Variants in PTPRD observed in about 807,000 individuals in gnomAD.
PTPRD encodes the protein protein tyrosine phosphatase receptor type D, also known as receptor-type tyrosine-protein phosphatase delta.
In PTPRD, 34 loss-of-function variants were observed where a neutral mutation model predicts 214.5. The observed-to-expected ratio is 0.16, with a 90% CI of 0.12 to 0.21. PTPRD has a LOEUF of 0.21. PTPRD is among the 10% of genes least tolerant of loss of function. PTPRD has a pLI of 1.00. For missense variants in PTPRD, 2,545 were observed against 2,398.7 expected (o/e 1.06, Z -1.27); for synonymous variants, 1,128 against 845.7 (o/e 1.33, Z -5.79).
At chr9:10,314,613 T>C (rs1273554614) in intron 3 of PTPRD, among the ~76,000 whole-genome samples, 3 of 151,838 alleles carry the variant, frequency 2.0e-5, no homozygotes, top group Non-Finnish European at 4.4e-5. Context: ...TGATAGTAGT[T>C]TTCATTGTGT....
intron 34 of PTPRD, 33 bp downstream of exon 34, chr9:8,449,692 C>A (rs2133450635): frequency 6.3e-7 from 1 of 1,587,394 alleles, no homozygotes; most frequent in South Asian, 1.1e-5. Context: ...CTGGGAAAGA[C>A]TGTGTGTGGA....
At chr9:8,811,737 C>T (rs1163192406) in intron 11 of PTPRD, among the ~76,000 whole-genome samples, 1 of 152,156 alleles carries the variant, frequency 6.6e-6, no homozygotes, top group Non-Finnish European at 1.5e-5. Flanking sequence ...ATCTTTGCCC[C>T]CAGAAAAACA....
chr9:10,560,123 G>A (rs1282849886), intron 2 of PTPRD, among the ~76,000 whole-genome samples: 2 of 152,108 alleles, frequency 1.3e-5, no homozygotes, highest in Non-Finnish European at 2.9e-5. Context: ...GTTTATCGCG[G>A]CACTATTCAC....
At chr9:10,387,231 T>C (rs2097932883) in intron 2 of PTPRD, among the ~76,000 whole-genome samples, 3 of 151,728 alleles carry the variant, frequency 2.0e-5, no homozygotes, top group Admixed American at 2.0e-4. Context: ...ATAGCAGCAA[T>C]AGGAAACTAA....
At chr9:8,404,289 C>T (rs188693496) in intron 36 of PTPRD, among the ~76,000 whole-genome samples, 10 of 152,116 alleles carry the variant, frequency 6.6e-5, no homozygotes, top group Middle Eastern at 3.4e-3. Flanking sequence ...CCACCATGCC[C>T]GGCTAGTTTT....
At chr9:9,153,743 T>C (rs1408721490) in intron 10 of PTPRD, among the ~76,000 whole-genome samples, 3 of 152,198 alleles carry the variant, frequency 2.0e-5, no homozygotes, top group Non-Finnish European at 4.4e-5. Flanking sequence ...GCCAATTACC[T>C]TGTAGAAAAA....
Position 8,501,113 on chromosome 9 carries a change from GA to G in PTPRD, c.1823-55del, listed in dbSNP as rs576806967. ...TTTAAGTGAAAGGACAGGAGTGGTTGAAAAAAAAAATGATAAAACAAAAGAA... is the reference window on the plus strand; with the variant it reads ...TTTAAGTGAAAGGACAGGAGTGGTTGAAAAAAAAATGATAAAACAAAAGAA... On this transcript the variant is annotated intron_variant, in intron 23 of 45. Coordinates refer to ENST00000381196, the MANE Select transcript of PTPRD (RefSeq NM_002839.4). 2.2e-3 allele frequency: 2,579 copies of G among 1,161,128 alleles called. 5 individuals carry two copies. Among genetic ancestry groups the G allele is most frequent in the African/African-American group, 0.011 (658 of 61,642 alleles). 71.9% of individuals were successfully genotyped at this position (1,161,128 alleles called of 1,614,324 possible). A position where few individuals can be genotyped will look rare whatever the true frequency, so the allele number is the denominator to read the frequency against.
At chr9:8,497,183 T>C (rs1230485792) in intron 26 of PTPRD, 59 bp downstream of exon 26, 15 of 1,389,698 alleles carry the variant, frequency 1.1e-5, no homozygotes, top group Non-Finnish European at 1.5e-5. Flanking sequence ...AGTGAAAGGA[T>C]GTCAGAGAAA....
At chr9:8,699,965 T>G (rs1019864329) in intron 12 of PTPRD, among the ~76,000 whole-genome samples, 4 of 152,180 alleles carry the variant, frequency 2.6e-5, no homozygotes, top group Non-Finnish European at 4.4e-5. Flanking sequence ...ATATCAGTAA[T>G]GCTGAGAACC....
At chr9:8,899,509 G>A (rs997714863) in intron 11 of PTPRD, among the ~76,000 whole-genome samples, 3 of 152,116 alleles carry the variant, frequency 2.0e-5, no homozygotes, top group Admixed American at 1.3e-4. Context: ...TGTCAGAAAG[G>A]TCTCAAAGCA....
intron 5 of PTPRD, among the ~76,000 whole-genome samples, chr9:9,928,621 G>T (rs1245967157): frequency 6.6e-6 from 1 of 152,082 alleles, no homozygotes; most frequent in Non-Finnish European, 1.5e-5. Flanking sequence ...CATTACTACT[G>T]TTATTAGAAT....
chr9:8,318,638 A>T (rs980882250), intron 45 of PTPRD, among the ~76,000 whole-genome samples: 1 of 152,030 alleles, frequency 6.6e-6, no homozygotes, highest in African/African-American at 2.4e-5. Flanking sequence ...AAATGGCTTC[A>T]CAGGACTGGC....
At chr9:8,517,784 T>C (rs149953095) in intron 21 of PTPRD, 64 bp downstream of exon 21, 1 of 1,383,158 alleles carries the variant, frequency 7.2e-7, no homozygotes, top group East Asian at 2.3e-5. Context: ...TTTGTTTTTG[T>C]CCTTCTCACC....
chr9:9,681,191 T>C (rs2097061823), intron 7 of PTPRD, among the ~76,000 whole-genome samples: 1 of 151,840 alleles, frequency 6.6e-6, no homozygotes, highest in Non-Finnish European at 1.5e-5. Flanking sequence ...AATGAAAACA[T>C]TTATATTTTC....
chr9:9,899,784 G>C (rs1168041338), intron 5 of PTPRD, among the ~76,000 whole-genome samples: 1 of 151,818 alleles, frequency 6.6e-6, no homozygotes, highest in African/African-American at 2.4e-5. Context: ...CAATAACAAA[G>C]ATATAGAATC....
rs573818106 is a variant in PTPRD at position 8,672,540 on chromosome 9, C to G, written c.65-35696G>C. On this transcript the variant is annotated intron_variant, in intron 12 of 45. Coordinates refer to ENST00000381196, the MANE Select transcript of PTPRD (RefSeq NM_002839.4). ...TCCTTGTAACACACATTTAACTCTACCTTCTTATAATTACTCATTAATTTG... is the reference window on the plus strand; with the variant it reads ...TCCTTGTAACACACATTTAACTCTAGCTTCTTATAATTACTCATTAATTTG... Among the ~76,000 whole-genome samples the G allele has an allele frequency of 4.6e-4, 70 of 152,146 alleles. 1 individual carries two copies. Among genetic ancestry groups the G allele is most frequent in the African/African-American group, 1.6e-3 (68 of 41,496 alleles).
At chr9:10,150,953 C>A (rs182439593) in intron 3 of PTPRD, among the ~76,000 whole-genome samples, 1 of 151,916 alleles carries the variant, frequency 6.6e-6, no homozygotes, top group Admixed American at 6.6e-5. Flanking sequence ...AAAGCTTAGC[C>A]TTGTCACTCA....
chr9:9,218,659 A>G (rs1244768351), intron 9 of PTPRD, among the ~76,000 whole-genome samples: 2 of 152,188 alleles, frequency 1.3e-5, no homozygotes, highest in East Asian at 1.9e-4. Flanking sequence ...TGGGACTGTA[A>G]CATATATAAT....
chr9:9,469,855 T>C (rs2094471558), intron 8 of PTPRD, among the ~76,000 whole-genome samples: 1 of 152,204 alleles, frequency 6.6e-6, no homozygotes, highest in Non-Finnish European at 1.5e-5. Flanking sequence ...ATGGCATATG[T>C]CCAATGAGGG....
Sources: allele counts gnomAD v4.1 joint callset (sites outside exome capture counted in the v4.1 genomes callset), GRCh38; gene constraint gnomAD v4.1.1; transcripts MANE v1.5; gene names NCBI Gene and HGNC (gene_info 2026-07-23, HGNC 2026-07-21).